MAGI2: variants seen among roughly 807,000 people sequenced by gnomAD.
MAGI2 encodes the protein membrane-associated guanylate kinase, WW and PDZ domain-containing protein 2.
Under a neutral mutation model 133.3 loss-of-function variants are expected in MAGI2, and 35 were observed. The observed-to-expected ratio is 0.26, with a 90% CI of 0.20 to 0.35. The LOEUF (loss-of-function observed/expected upper bound fraction) is 0.35. Among genes scored for constraint, MAGI2 ranks in the 10% least tolerant of loss-of-function variants. The pLI is 1.00. For missense variants in MAGI2, 1,636 were observed against 1,863.4 expected (o/e 0.88, Z 2.25); for synonymous variants, 729 against 710.6 (o/e 1.03, Z -0.41).
chr7:78,569,159 T>C (rs1801249801), intron 3 of MAGI2, among the ~76,000 whole-genome samples: 1 of 151,992 alleles, frequency 6.6e-6, no homozygotes, highest in South Asian at 2.1e-4. Flanking sequence ...TCACTATTCC[T>C]TTGCTTTATT....
intron 9 of MAGI2, among the ~76,000 whole-genome samples, chr7:78,284,593 T>C (rs1795963464): frequency 6.6e-6 from 1 of 152,040 alleles, no homozygotes; most frequent in South Asian, 2.1e-4. Flanking sequence ...TATATTCTAG[T>C]GGATTCAGCA....
intron 10 of MAGI2, among the ~76,000 whole-genome samples, chr7:78,236,346 T>C (rs1028197529): frequency 1.3e-5 from 2 of 152,176 alleles, no homozygotes; most frequent in Non-Finnish European, 2.9e-5. Flanking sequence ...AATAGTTTTG[T>C]TCATTTTTAT....
At chr7:78,027,234 G>A (rs1809018204) in intron 21 of MAGI2, among the ~76,000 whole-genome samples, 1 of 152,196 alleles carries the variant, frequency 6.6e-6, no homozygotes. Context: ...TCAGAAGCAG[G>A]TCCATCGTTA....
chr7:79,123,033 G>A (rs1478808384), intron 1 of MAGI2, among the ~76,000 whole-genome samples: 1 of 152,130 alleles, frequency 6.6e-6, no homozygotes, highest in Non-Finnish European at 1.5e-5. Flanking sequence ...TTCATTAAGA[G>A]AAACAGAGAA....
intron 4 of MAGI2, 89 bp from the exon 5 acceptor site, chr7:78,501,876 T>G: frequency 1.1e-6 from 1 of 913,524 alleles, no homozygotes; most frequent in African/African-American, 1.6e-5. Flanking sequence ...GGAATAAACG[T>G]CATGAATAAC....
chr7:78,939,450 G>T (rs903263421), intron 2 of MAGI2, among the ~76,000 whole-genome samples: 10 of 152,108 alleles, frequency 6.6e-5, no homozygotes, highest in Non-Finnish European at 1.5e-4. Flanking sequence ...GGTTGACTAT[G>T]GTAGGCAGCT....
rs111541606 is a variant in MAGI2 at position 78,302,954 on chromosome 7, A to G, written c.1408+40824T>C. ...AACAGGTAAAGAGGCAATCCTAAGT[A>G]TGTGATGGAAGCTATGGCAAGATAG... is the stretch of plus-strand genomic sequence containing the variant. On this transcript the variant is annotated intron_variant, in intron 9 of 21. Transcript: ENST00000354212. 2.5e-4 allele frequency among the ~76,000 whole-genome samples: 38 copies of G among 152,334 alleles called. 1 individual carries two copies. Among genetic ancestry groups the G allele is most frequent in the African/African-American group, 8.4e-4 (35 of 41,584 alleles).
intron 2 of MAGI2, among the ~76,000 whole-genome samples, chr7:78,905,280 C>A (rs1447239436): frequency 2.6e-5 from 4 of 152,204 alleles, no homozygotes; most frequent in African/African-American, 7.2e-5. Context: ...GCCGTGCAAG[C>A]CAAAACATTT....
intron 7 of MAGI2, among the ~76,000 whole-genome samples, chr7:78,368,128 C>G (rs1793567975): frequency 6.6e-6 from 1 of 152,254 alleles, no homozygotes; most frequent in East Asian, 1.9e-4. Context: ...GTAGTTAAGA[C>G]AAGTGCTCCT....
chr7:78,704,782 T>TTTTTTTTTTCC (rs1554535277), intron 2 of MAGI2, among the ~76,000 whole-genome samples: 2,256 of 143,366 alleles, frequency 0.016, 75 homozygotes, highest in African/African-American at 0.057. Context: ...ATTATTCTTT[T>TTTTTTTTTTCC]TTTTTTTTTT....
chr7:79,171,770 A>ATATATATATATATATATATTTTTT, intron 1 of MAGI2, among the ~76,000 whole-genome samples: 8 of 31,210 alleles, frequency 2.6e-4, no homozygotes, highest in Non-Finnish European at 7.8e-4. Flanking sequence ...ATATATATAT[A>ATATATATATATATATATATTTTTT]TTTTTTTTTT....
chr7:78,995,768 G>A (rs373674140), intron 2 of MAGI2, among the ~76,000 whole-genome samples: 17 of 151,964 alleles, frequency 1.1e-4, no homozygotes, highest in African/African-American at 3.6e-4. Context: ...CTCTTCAGAA[G>A]CATGCTTATG....
intron 6 of MAGI2, among the ~76,000 whole-genome samples, chr7:78,419,961 G>A (rs1798647895): frequency 6.6e-6 from 1 of 152,158 alleles, no homozygotes; most frequent in Admixed American, 6.6e-5. Context: ...AGGCATTAAA[G>A]TGACCTAATT....
intron 1 of MAGI2, among the ~76,000 whole-genome samples, chr7:79,451,124 G>A (rs780199737): frequency 6.6e-6 from 1 of 152,032 alleles, no homozygotes; most frequent in Admixed American, 6.5e-5. Context: ...CTTTGCTAGC[G>A]TGACAGTTTG....
intron 1 of MAGI2, among the ~76,000 whole-genome samples, chr7:79,227,975 C>G (rs1830997594): frequency 6.6e-6 from 1 of 152,148 alleles, no homozygotes. Context: ...GAACAGCAAT[C>G]TGTGTTAATG....
intron 2 of MAGI2, among the ~76,000 whole-genome samples, chr7:78,663,269 T>C (rs570774316): frequency 2.7e-5 from 4 of 149,528 alleles, no homozygotes; most frequent in African/African-American, 9.9e-5. Flanking sequence ...TGCAGTGGCC[T>C]GATCTCTGCT....
chr7:79,106,669 G>T (rs1201265689), intron 1 of MAGI2, among the ~76,000 whole-genome samples: 1 of 152,114 alleles, frequency 6.6e-6, no homozygotes, highest in Non-Finnish European at 1.5e-5. Context: ...AGCACAGGAA[G>T]ATAATTTCTA....
chr7:78,535,213 A>T (rs911100699), intron 3 of MAGI2, among the ~76,000 whole-genome samples: 1 of 152,226 alleles, frequency 6.6e-6, no homozygotes, highest in Non-Finnish European at 1.5e-5. Context: ...TTCCAGGCAG[A>T]GGAAACAAAT....
chr7:78,491,896 T>C (rs1344034270), intron 5 of MAGI2, among the ~76,000 whole-genome samples: 1 of 151,474 alleles, frequency 6.6e-6, no homozygotes, highest in Non-Finnish European at 1.5e-5. Context: ...TGTGTGTGTG[T>C]GTGTGTGTGT....
Sources: gnomAD v4.1 joint callset for allele counts (sites outside exome capture counted in the v4.1 genomes callset) on GRCh38, gnomAD v4.1.1 for gene constraint, MANE v1.5 for transcripts, NCBI Gene and HGNC (gene_info 2026-07-23, HGNC 2026-07-21) for gene names.